The following CADPS variants were observed in gnomAD, a reference collection of about 807,000 sequenced individuals.
CADPS encodes the protein calcium dependent secretion activator.
A neutral mutation model predicts 167.3 loss-of-function variants in CADPS; 57 were observed. The ratio of observed to expected loss-of-function variants is 0.34; its 90% confidence interval spans 0.28 to 0.42. The LOEUF is 0.42. Ranked by LOEUF, CADPS falls within the 20% of genes least tolerant of loss-of-function variation. The pLI is 1.00. For missense variants in CADPS, 1,414 were observed against 1,738.1 expected (o/e 0.81, Z 3.32); for synonymous variants, 676 against 635.3 (o/e 1.06, Z -0.96).
intron 1 of CADPS, among the ~76,000 whole-genome samples, chr3:62,825,415 C>T (rs769923762): frequency 6.6e-6 from 1 of 152,240 alleles, no homozygotes; most frequent in South Asian, 2.1e-4. Context: ...GGCAAATGAT[C>T]AGGCCTTACA....
At chr3:62,621,048 C>T (rs1183455553) in intron 6 of CADPS, among the ~76,000 whole-genome samples, 2 of 152,206 alleles carry the variant, frequency 1.3e-5, no homozygotes, top group African/African-American at 2.4e-5. Context: ...TCAACACTCT[C>T]TTCTGGATCC....
At chr3:62,698,790 A>G (rs1410495494) in intron 3 of CADPS, among the ~76,000 whole-genome samples, 3 of 112,528 alleles carry the variant, frequency 2.7e-5, no homozygotes, top group Non-Finnish European at 4.9e-5. Flanking sequence ...CCCAGGCTGG[A>G]GTGCAGTAGT....
chr3:62,832,978 G>A (rs1165610070), intron 1 of CADPS, among the ~76,000 whole-genome samples: 1 of 152,134 alleles, frequency 6.6e-6, no homozygotes, highest in African/African-American at 2.4e-5. Flanking sequence ...TGGAGGAATT[G>A]CCTCCTCTAG....
rs564390451 is a variant in CADPS at position 62,640,072 on chromosome 3, G to A, written c.1325+5650C>T. 4.6e-5 allele frequency among the ~76,000 whole-genome samples: 7 copies of A among 152,304 alleles called. No individual in the cohort carries two copies. In the South Asian group the frequency reaches 8.3e-4, roughly 18 times the overall value. On this transcript the variant is annotated intron_variant, in intron 6 of 29. Coordinates refer to ENST00000383710, the MANE Select transcript of CADPS (RefSeq NM_003716.4). ...ATCCACAGGCCAAGGTTTGAGATAT[G>A]TTATTCACAGCTGTAGCCCCAGCAC... is the stretch of plus-strand genomic sequence containing the variant.
At chr3:62,710,707 G>A (rs937099530) in intron 3 of CADPS, among the ~76,000 whole-genome samples, 1 of 152,046 alleles carries the variant, frequency 6.6e-6, no homozygotes, top group African/African-American at 2.4e-5. Context: ...TAGAACATTG[G>A]ACTTCCCACC....
intron 1 of CADPS, among the ~76,000 whole-genome samples, chr3:62,791,239 C>A (rs911877279): frequency 2.0e-5 from 3 of 152,152 alleles, no homozygotes; most frequent in South Asian, 2.1e-4. Flanking sequence ...TGCTCTATAT[C>A]TGCACTGTAC....
chr3:62,625,240 A>T (rs1410146135), intron 6 of CADPS: 3 of 150,800 alleles, frequency 2.0e-5, no homozygotes, highest in Admixed American at 2.0e-4. Flanking sequence ...CCACACCAAG[A>T]GAAAACATGG....
intron 1 of CADPS, among the ~76,000 whole-genome samples, chr3:62,857,423 A>T (rs2079924576): frequency 6.6e-6 from 1 of 152,084 alleles, no homozygotes; most frequent in Admixed American, 6.6e-5. Context: ...TAGAAAGGTA[A>T]GTACACAAAG....
intron 3 of CADPS, among the ~76,000 whole-genome samples, chr3:62,735,594 A>G (rs1036306167): frequency 6.6e-6 from 1 of 151,958 alleles, no homozygotes; most frequent in African/African-American, 2.4e-5. Context: ...GAATCCCTCA[A>G]CCCCTACAAG....
rs769571334 is a variant in CADPS, at chr3:62,753,749, C to A, written c.580G>T (p.Ala194Ser). The A allele has an allele frequency of 1.2e-6, 2 of 1,613,424 alleles. No homozygotes were observed. The highest frequency in any genetic ancestry group is 8.5e-7 in the Non-Finnish European group (1 of 1,179,508). The part of the protein sequence containing the change: ...YEVFLKSDRV[A>S]RMVQSGGCSA... ...CAGCCTCCACTCTGAACCATGCGGG[C>A]CACACGGTCGCTCTTCAGGAACACC... Residue 194 changes from alanine to serine, a missense_variant, in exon 3 of 30, where the codon GCC (alanine) becomes TCC (serine). By Grantham distance (99) the Ala-to-Ser change is moderately conservative. Transcript: ENST00000383710. The surrounding 1 kb of genome is among the most constrained non-coding windows in gnomAD (Gnocchi z 4.6).
At chr3:62,482,417 T>G (rs1245969562) in intron 21 of CADPS, among the ~76,000 whole-genome samples, 1 of 152,240 alleles carries the variant, frequency 6.6e-6, no homozygotes, top group Admixed American at 6.5e-5. Context: ...TCTTTCTAAC[T>G]GCTGCTTCTA....
intron 28 of CADPS, among the ~76,000 whole-genome samples, chr3:62,411,788 C>T (rs939546909): frequency 2.0e-5 from 3 of 152,208 alleles, no homozygotes; most frequent in Non-Finnish European, 4.4e-5. Context: ...AAGGACGGCA[C>T]GCAGTTCATA....
chr3:62,735,151 G>A (rs1394229885), intron 3 of CADPS, among the ~76,000 whole-genome samples: 1 of 151,938 alleles, frequency 6.6e-6, no homozygotes, highest in Non-Finnish European at 1.5e-5. Flanking sequence ...TATTCATATT[G>A]AGATATCACC....
chr3:62,560,976 G>GGCT (rs565732680), intron 9 of CADPS, among the ~76,000 whole-genome samples: 178 of 151,866 alleles, frequency 1.2e-3, no homozygotes, highest in Admixed American at 3.5e-3. Flanking sequence ...CTACTCCGGA[G>GGCT]GCTGAGGCAG....
chr3:62,509,278 C>T lies in CADPS; in HGVS notation c.2599+3473G>A, dbSNP rs139182874. 4.3e-3 allele frequency among the ~76,000 whole-genome samples: 477 copies of T among 110,084 alleles called. 4 individuals carry two copies. Among genetic ancestry groups the T allele is most frequent in the Middle Eastern group, 0.019 (2 of 108 alleles). The allele number at this position is 110,084 out of a possible 152,430, so 72.2% of individuals were successfully genotyped here. A position where few individuals can be genotyped will look rare whatever the true frequency, so the allele number is the denominator to read the frequency against. ...AGGATCCTATCACTGTACTCTAAAG[C>T]AAGACTCTGTCTCAAAAAAAAAAAA... On this transcript the variant is annotated intron_variant, in intron 17 of 29. Coordinates refer to ENST00000383710, the MANE Select transcript of CADPS (RefSeq NM_003716.4).
intron 23 of CADPS, among the ~76,000 whole-genome samples, chr3:62,474,716 A>G (rs948718178): frequency 6.6e-6 from 1 of 152,160 alleles, no homozygotes; most frequent in Non-Finnish European, 1.5e-5. Context: ...ACAAACAAAA[A>G]CCAAAGCAGT....
At chr3:62,637,938 G>A (rs2066619480) in intron 6 of CADPS, among the ~76,000 whole-genome samples, 1 of 151,932 alleles carries the variant, frequency 6.6e-6, no homozygotes, top group Non-Finnish European at 1.5e-5. Context: ...AGAAAATACT[G>A]AATCAACGTT....
intron 17 of CADPS, among the ~76,000 whole-genome samples, chr3:62,510,213 T>TCTATCTATCTATCTAG (rs1167157744): frequency 1.3e-5 from 2 of 151,748 alleles, no homozygotes; most frequent in African/African-American, 4.8e-5. Context: ...TATCTATCTA[T>TCTATCTATCTATCTAG]CTATCTATCT....
At chr3:62,791,840 A>G (rs992741488) in intron 1 of CADPS, among the ~76,000 whole-genome samples, 2 of 152,190 alleles carry the variant, frequency 1.3e-5, no homozygotes, top group African/African-American at 4.8e-5. Context: ...CATCCTTTAA[A>G]CAGAAACAGT....
Sources: allele counts gnomAD v4.1 joint callset (sites outside exome capture counted in the v4.1 genomes callset), GRCh38; gene constraint gnomAD v4.1.1; non-coding constraint Gnocchi (gnomAD v3.1); transcripts MANE v1.5; gene names NCBI Gene and HGNC (gene_info 2026-07-23, HGNC 2026-07-21).